EHMT1: variants seen among roughly 807,000 people sequenced by gnomAD.
The protein encoded by EHMT1 is histone-lysine N-methyltransferase EHMT1.
In EHMT1, 15 loss-of-function variants were observed where a neutral mutation model predicts 147.2. The ratio of observed to expected loss-of-function variants is 0.10; its 90% CI spans 0.07 to 0.16. The LOEUF is 0.16. Among genes scored for constraint, EHMT1 ranks in the 10% least tolerant of loss-of-function variants. EHMT1 has a pLI of 1.00. For missense variants in EHMT1, 1,587 were observed against 1,772.4 expected (o/e 0.90, Z 1.88); for synonymous variants, 795 against 709.6 (o/e 1.12, Z -1.91).
At chr9:137,806,025 C>T (rs1436751038) in intron 18 of EHMT1, among the ~76,000 whole-genome samples, 1 of 145,068 alleles carries the variant, frequency 6.9e-6, no homozygotes, top group Non-Finnish European at 1.5e-5. Flanking sequence ...TGCAGTGGTG[C>T]GATAGCTCAC....
At chr9:137,619,131 G>C (rs1842780720) in intron 1 of EHMT1, 82 bp downstream of exon 1, 12 of 385,820 alleles carry the variant, frequency 3.1e-5, no homozygotes, top group Non-Finnish European at 4.2e-5. Flanking sequence ...ACCGGGCGGG[G>C]CGGCGGCAGG....
At chr9:137,702,356 A>G (rs1386756396) in intron 1 of EHMT1, among the ~76,000 whole-genome samples, 1 of 152,244 alleles carries the variant, frequency 6.6e-6, no homozygotes, top group African/African-American at 2.4e-5. Context: ...TCCAAGAAAC[A>G]ATAGTAATAC....
rs190058713 is a variant in EHMT1, at chr9:137,711,374, A to T, written c.85+344A>T. On this transcript the variant is annotated intron_variant, in intron 2 of 26. Coordinates refer to ENST00000460843, the MANE Select transcript of EHMT1 (RefSeq NM_024757.5). ...GGAGACACTCCGGTGTCCTCAGTTG[A>T]TAAGGAACTGGATAAACAGATCGTG... is the stretch of plus-strand genomic sequence containing the variant. Among the ~76,000 whole-genome samples, 107 of 152,270 alleles carry T rather than the reference A, an allele frequency of 7.0e-4. No individual in the cohort carries two copies. In the Middle Eastern group the frequency reaches 0.017, roughly 24 times the overall value.
chr9:137,797,059 G>A (rs1953023073), intron 16 of EHMT1, among the ~76,000 whole-genome samples: 1 of 152,142 alleles, frequency 6.6e-6, no homozygotes, highest in African/African-American at 2.4e-5. Flanking sequence ...ATGTAGTAAA[G>A]GTATTGAGAT....
At chr9:137,710,391 T>A (rs1465197567) in intron 1 of EHMT1, among the ~76,000 whole-genome samples, 1 of 152,130 alleles carries the variant, frequency 6.6e-6, no homozygotes, top group East Asian at 1.9e-4. Flanking sequence ...GAGAATCGCT[T>A]GAACTGTGGA....
rs887157019 is a variant in EHMT1, at chr9:137,731,524, G to T, written c.823+2995G>T. ...CCCGGGGGTGCAGAGTCCACTTATC[G>T]GGATGGCAGAGAGAGACAAAGGCCT... On this transcript the variant is annotated intron_variant, in intron 4 of 26. Coordinates refer to ENST00000460843, the MANE Select transcript of EHMT1 (RefSeq NM_024757.5). This position sits in a 1 kb window ranked among gnomAD's most constrained non-coding sequence, Gnocchi z 4.3. Among the ~76,000 whole-genome samples the T allele has an allele frequency of 6.6e-6, 1 of 152,148 alleles. No individual in the cohort carries two copies. Among genetic ancestry groups the T allele is most frequent in the Admixed American group, 6.6e-5 (1 of 15,262 alleles).
At chr9:137,818,829 A>G (rs71510844) in intron 25 of EHMT1, among the ~76,000 whole-genome samples, 5 of 798 alleles carry the variant, frequency 6.3e-3, no homozygotes, top group Admixed American at 0.015. Flanking sequence ...GAGGGGCGCC[A>G]TGTACCGAGA....
intron 1 of EHMT1, among the ~76,000 whole-genome samples, chr9:137,631,309 T>G (rs1843615403): frequency 6.6e-6 from 1 of 151,868 alleles, no homozygotes; most frequent in Admixed American, 6.6e-5. Flanking sequence ...GGAGAATCGC[T>G]TGAACCCGGG....
intron 6 of EHMT1, among the ~76,000 whole-genome samples, chr9:137,744,474 A>G (rs1184523209): frequency 6.6e-6 from 1 of 151,832 alleles, no homozygotes; most frequent in Non-Finnish European, 1.5e-5. Flanking sequence ...TCACGCCACC[A>G]TGCCTGGCTA....
At chr9:137,777,367 C>G (rs1399867657) in intron 12 of EHMT1, 2 of 189,620 alleles carry the variant, frequency 1.1e-5, no homozygotes, top group Non-Finnish European at 2.2e-5. Context: ...AGCCACTTGC[C>G]TTCTTCCTTA....
At chr9:137,708,234 T>C (rs1441853722) in intron 1 of EHMT1, among the ~76,000 whole-genome samples, 4 of 152,218 alleles carry the variant, frequency 2.6e-5, no homozygotes, top group African/African-American at 9.7e-5. Flanking sequence ...GATTTGCAGA[T>C]TGGCTTCTGC....
At chr9:137,798,457 A>T (rs1300475435) in intron 16 of EHMT1, among the ~76,000 whole-genome samples, 1 of 152,010 alleles carries the variant, frequency 6.6e-6, no homozygotes, top group Non-Finnish European at 1.5e-5. Flanking sequence ...AGGAAGCAAG[A>T]GGAGGGCAGA....
At chr9:137,738,813 A>G (rs1017381254) in intron 4 of EHMT1, 9 of 152,258 alleles carry the variant, frequency 5.9e-5, no homozygotes, top group African/African-American at 2.2e-4. Context: ...ATGTTGTACC[A>G]TTCCACTTAA....
chr9:137,634,616 T>A (rs554534660), intron 1 of EHMT1, among the ~76,000 whole-genome samples: 1 of 143,324 alleles, frequency 7.0e-6, no homozygotes, highest in Non-Finnish European at 1.5e-5. Context: ...CTTTCATTTC[T>A]TTTCTTTTCT....
At chr9:137,772,384 C>A (rs1326386090) in intron 10 of EHMT1, among the ~76,000 whole-genome samples, 8 of 152,000 alleles carry the variant, frequency 5.3e-5, no homozygotes, top group African/African-American at 1.9e-4. Flanking sequence ...AAATAGGAAA[C>A]CGTTTTGTAG....
chr9:137,777,975 T>G lies in EHMT1; in HGVS notation c.2112T>G (p.Leu704=). ...TTGATCCAACGGGACCTGCTGGGCT[T>G]GGGAGGCCAACTCCCGGCCTTTCCC... ...EGFDPTGPAG[L]GRPTPGLSQG... The change falls in exon 13 of 27, where the codon CTT becomes CTG. Residue 704 remains leucine (L), a synonymous_variant. Transcript: ENST00000460843. The G allele has an allele frequency of 6.2e-7, 1 of 1,613,824 alleles. No individual in the cohort carries two copies. Among genetic ancestry groups the G allele is most frequent in the Non-Finnish European group, 8.5e-7 (1 of 1,180,014 alleles).
At chr9:137,772,551 G>A (rs976357642) in intron 10 of EHMT1, among the ~76,000 whole-genome samples, 3 of 152,208 alleles carry the variant, frequency 2.0e-5, no homozygotes, top group African/African-American at 7.2e-5. Flanking sequence ...CCCTGCCACC[G>A]AAGCTGGCCC....
intron 3 of EHMT1, among the ~76,000 whole-genome samples, chr9:137,722,713 C>A (rs1350314072): frequency 6.8e-6 from 1 of 148,144 alleles, no homozygotes; most frequent in Non-Finnish European, 1.5e-5. Flanking sequence ...TGTGTGGGCC[C>A]CACAGAGGTG....
intron 3 of EHMT1, among the ~76,000 whole-genome samples, chr9:137,726,285 C>T (rs1325120712): frequency 1.3e-5 from 2 of 152,240 alleles, no homozygotes; most frequent in East Asian, 1.9e-4. Context: ...CCATTCCTCT[C>T]TCCCAGTCCC....
Sources: allele counts gnomAD v4.1 joint callset (sites outside exome capture counted in the v4.1 genomes callset), GRCh38; gene constraint gnomAD v4.1.1; non-coding constraint Gnocchi (gnomAD v3.1); transcripts MANE v1.5; gene names NCBI Gene and HGNC (gene_info 2026-07-23, HGNC 2026-07-21).